The following ST7L variants were observed in gnomAD, a reference collection of about 807,000 sequenced individuals.
ST7L encodes the protein suppression of tumorigenicity 7 like.
In ST7L, 57 loss-of-function variants were observed where a neutral mutation model predicts 72.5. That is an observed-to-expected ratio of 0.79 (90% CI 0.64 to 0.98). The LOEUF is 0.98. ST7L is among the 50% of genes least tolerant of loss of function. ST7L has a pLI of 0.00. For synonymous variants in ST7L, 221 were observed against 240.9 expected, an observed-to-expected ratio of 0.92 and a Z score of 0.77; for missense variants, 576 against 672.2, an observed-to-expected ratio of 0.86 and a Z score of 1.58.
chr1:112,609,853 G>A (rs1393401058), intron 3 of ST7L, among the ~76,000 whole-genome samples: 5 of 152,070 alleles, frequency 3.3e-5, no homozygotes, highest in East Asian at 3.9e-4. Context: ...GCGATTACTC[G>A]ACACAAATAG....
intron 2 of ST7L, among the ~76,000 whole-genome samples, chr1:112,615,896 T>C (rs1013190070): frequency 1.3e-5 from 2 of 152,122 alleles, no homozygotes; most frequent in African/African-American, 4.8e-5. Context: ...CATACCACCA[T>C]ACCCAGTTAT....
intron 14 of ST7L, among the ~76,000 whole-genome samples, chr1:112,535,901 A>G (rs1419778109): frequency 6.6e-6 from 1 of 152,190 alleles, no homozygotes; most frequent in Non-Finnish European, 1.5e-5. Flanking sequence ...TCTAGGAGGT[A>G]GAGAACGTCT....
chr1:112,542,524 A>T (rs1417381155), intron 13 of ST7L, among the ~76,000 whole-genome samples: 1 of 152,142 alleles, frequency 6.6e-6, no homozygotes, highest in East Asian at 1.9e-4. Context: ...TTGGGGGGCC[A>T]AAGAGGAGGA....
At chr1:112,587,305 C>T (rs997320609) in intron 6 of ST7L, among the ~76,000 whole-genome samples, 5 of 152,114 alleles carry the variant, frequency 3.3e-5, no homozygotes, top group African/African-American at 9.7e-5. Flanking sequence ...TTTTGACGCC[C>T]TTGTCAAAAA....
chr1:112,603,828 T>C (rs1667793993), intron 3 of ST7L, among the ~76,000 whole-genome samples: 1 of 152,154 alleles, frequency 6.6e-6, no homozygotes, highest in South Asian at 2.1e-4. Flanking sequence ...TGGTATCTCT[T>C]ATTATTATTA....
chr1:112,521,326 T>TTTTTTC (rs1375473715), downstream of ST7L: 1 of 150,982 alleles, frequency 6.6e-6, no homozygotes, highest in Non-Finnish European at 1.5e-5. Context: ...TTTTTTTTTT[T>TTTTTTC]TTTTTCTTTT....
intron 4 of ST7L, 152 bp downstream of exon 4, chr1:112,600,642 G>A (rs1667242788): frequency 1.5e-6 from 1 of 676,130 alleles, no homozygotes. Context: ...TGAAGATGCT[G>A]CCAAATAAAC....
chr1:112,525,905 A>T lies in ST7L; in HGVS notation c.*108T>A. 1.4e-6 allele frequency: 2 copies of T among 1,457,102 alleles called. No individual in the cohort carries two copies. Among genetic ancestry groups the T allele is most frequent in the South Asian group, 1.4e-5 (1 of 72,708 alleles). 90.3% of individuals were successfully genotyped at this position (1,457,102 alleles called of 1,614,324 possible). On this transcript the variant is annotated 3_prime_UTR_variant, in exon 15 of 15. Coordinates refer to ENST00000358039, the MANE Select transcript of ST7L (RefSeq NM_017744.5). ...TTTCATATGCAAAATGCTTTAGCAT[A>T]TATGTAATCCTCACAACAACCCTGT...
chr1:112,523,296 G>A (rs1170670256), downstream of ST7L: 1 of 151,346 alleles, frequency 6.6e-6, no homozygotes, highest in Non-Finnish European at 1.5e-5. Context: ...CCTATAAATG[G>A]TTAAGAAAAG....
In ST7L at chr1:112,604,775, T is replaced by TAA. The variant is rs556388277; in HGVS notation, c.452-3929_452-3928dup. On this transcript the variant is annotated intron_variant, in intron 3 of 14. Transcript: ENST00000358039. ...CAACATAGTGAGGCCTTGTCTCTCTTAAAAAAAAAAAAAAAAAAAAAAAAA... is the reference window on the plus strand; with the variant it reads ...CAACATAGTGAGGCCTTGTCTCTCTTAAAAAAAAAAAAAAAAAAAAAAAAAAA... 1.5e-3 allele frequency among the ~76,000 whole-genome samples: 86 copies of TAA among 58,778 alleles called. 1 individual carries two copies. Among genetic ancestry groups the TAA allele is most frequent in the East Asian group, 7.1e-3 (11 of 1,540 alleles). 38.6% of individuals were successfully genotyped at this position (58,778 alleles called of 152,430 possible).
Position 112,556,027 on chromosome 1 carries a change from G to GTT in ST7L, c.1246-10_1246-9insAA. On this transcript the variant is annotated splice_polypyrimidine_tract_variant and intron_variant, in intron 11 of 14. Transcript: ENST00000358039. Reference sequence around the variant, plus strand: ...TTCATCTCTAATAAATACTGAAAGAGTAACACACAGACACATATACACACA... The same window carrying GTT: ...TTCATCTCTAATAAATACTGAAAGAGTTTAACACACAGACACATATACACACA... 1 of 1,579,578 alleles carries GTT rather than the reference G, an allele frequency of 6.3e-7. No individual in the cohort carries two copies. The highest frequency in any genetic ancestry group is 8.6e-7 in the Non-Finnish European group (1 of 1,162,106).
In ST7L at chr1:112,580,133, G is replaced by C. The variant is rs537958203; in HGVS notation, c.1070-1716C>G. Among the ~76,000 whole-genome samples the C allele has an allele frequency of 4.6e-5, 7 of 151,452 alleles. No homozygotes were observed. In the South Asian group the frequency reaches 1.3e-3, roughly 27 times the overall value. On this transcript the variant is annotated intron_variant, in intron 9 of 14. Transcript: ENST00000358039. ...GGTAGGAACCTATAACAGGACAAAT[G>C]TGAATAAACGACCTTTTTCTTTGTT...
At chr1:112,566,664 C>T (rs960751349) in intron 11 of ST7L, among the ~76,000 whole-genome samples, 1 of 152,122 alleles carries the variant, frequency 6.6e-6, no homozygotes, top group East Asian at 1.9e-4. Flanking sequence ...CACCTGACCA[C>T]CTGAGGCAAA....
At chr1:112,572,017 G>A (rs980520143) in intron 11 of ST7L, among the ~76,000 whole-genome samples, 8 of 152,210 alleles carry the variant, frequency 5.3e-5, no homozygotes, top group Admixed American at 2.6e-4. Context: ...CAGAATGGCT[G>A]TTGTGTTAGC....
At position 112,577,004 on chromosome 1, in the gene ST7L, A is replaced by G; in HGVS notation, c.1227T>C (p.Phe409=). The G allele has an allele frequency of 1.2e-6, 2 of 1,601,576 alleles. No homozygotes were observed. Among genetic ancestry groups the G allele is most frequent in the Non-Finnish European group, 8.5e-7 (1 of 1,172,590 alleles). The part of the protein sequence containing the change: ...AVEAIHRAVE[F]NPHVPKYLLE... ...TTCTCACTTTTGGAACATGAGGATT[A>G]AATTCCACAGCTCTATGAATTGCTT... Residue 409 remains phenylalanine, a synonymous_variant, in exon 11 of 15, where the codon TTT becomes TTC. Coordinates refer to ENST00000358039, the MANE Select transcript of ST7L (RefSeq NM_017744.5).
intron 1 of ST7L, chr1:112,618,695 G>T (rs2101112804): frequency 9.9e-7 from 1 of 1,011,448 alleles, no homozygotes; most frequent in Non-Finnish European, 1.4e-6. Context: ...GAGAGAGGGC[G>T]GACCTTAAGA....
chr1:112,616,101 T>C (rs1264644839), intron 2 of ST7L, among the ~76,000 whole-genome samples: 4 of 152,150 alleles, frequency 2.6e-5, no homozygotes, highest in African/African-American at 9.7e-5. Flanking sequence ...TCCAAGTCTA[T>C]ATGGCAACAA....
At position 112,541,950 on chromosome 1, in the gene ST7L, C is replaced by A; in HGVS notation, c.1629+1G>T. Reference sequence around the variant, plus strand: ...ACACAAGTCCTTGAGATCATACTTACAGCTTTAGCAAAAATACCCATGATT... The same window carrying A: ...ACACAAGTCCTTGAGATCATACTTAAAGCTTTAGCAAAAATACCCATGATT... On this transcript the variant is annotated splice_donor_variant, in intron 14 of 14. Transcript: ENST00000358039. LOFTEE classifies it high-confidence loss of function. 6.2e-7 allele frequency: 1 copy of A among 1,613,380 alleles called. No individual in the cohort carries two copies. Among genetic ancestry groups the A allele is most frequent in the Non-Finnish European group, 8.5e-7 (1 of 1,179,766 alleles).
intron 3 of ST7L, among the ~76,000 whole-genome samples, chr1:112,609,008 C>T (rs1036894349): frequency 2.0e-5 from 3 of 152,020 alleles, no homozygotes; most frequent in Non-Finnish European, 2.9e-5. Flanking sequence ...ATTACCTATC[C>T]CAGTGAAAGG....
Sources: gnomAD v4.1 joint callset for allele counts (sites outside exome capture counted in the v4.1 genomes callset) on GRCh38, gnomAD v4.1.1 for gene constraint, MANE v1.5 for transcripts, NCBI Gene and HGNC (gene_info 2026-07-23, HGNC 2026-07-21) for gene names.